CAMKMT: variants seen among roughly 807,000 people sequenced by gnomAD.
The protein encoded by CAMKMT is CaM KMT.
A neutral mutation model predicts 48.0 loss-of-function variants in CAMKMT; 53 were observed. The observed-to-expected ratio is 1.10, with a 90% CI of 0.89 to 1.39. The LOEUF is 1.39. CAMKMT is among the 40% of genes most tolerant of loss of function. CAMKMT has a pLI of 0.00. For missense variants in CAMKMT, 428 were observed against 402.7 expected (o/e 1.06, Z -0.54); for synonymous variants, 165 against 152.3 (o/e 1.08, Z -0.61).
At chr2:44,694,871 A>G (rs1037199758) in intron 3 of CAMKMT, among the ~76,000 whole-genome samples, 18 of 152,248 alleles carry the variant, frequency 1.2e-4, no homozygotes, top group African/African-American at 2.9e-4. Context: ...TGTTTAGCCA[A>G]TGCTTTTATG....
chr2:44,700,831 C>T (rs916353229), intron 3 of CAMKMT, among the ~76,000 whole-genome samples: 1 of 152,130 alleles, frequency 6.6e-6, no homozygotes, highest in Non-Finnish European at 1.5e-5. Flanking sequence ...TGGACTTGCT[C>T]GGTGCAGGGT....
chr2:44,515,327 C>T (rs1247850394), intron 3 of CAMKMT, among the ~76,000 whole-genome samples: 3 of 152,066 alleles, frequency 2.0e-5, no homozygotes, highest in African/African-American at 7.2e-5. Context: ...TTAGGTAGAA[C>T]TTTGGATTTG....
At chr2:44,540,907 T>C (rs1572752140) in intron 3 of CAMKMT, among the ~76,000 whole-genome samples, 2 of 152,270 alleles carry the variant, frequency 1.3e-5, no homozygotes, top group African/African-American at 4.8e-5. Flanking sequence ...ATGTAAGATA[T>C]GTGTCTAATT....
At chr2:44,705,071 A>T (rs1275197888) in intron 4 of CAMKMT, among the ~76,000 whole-genome samples, 9 of 152,172 alleles carry the variant, frequency 5.9e-5, no homozygotes, top group Non-Finnish European at 1.2e-4. Context: ...TTATGATAGC[A>T]GATAAGCCGC....
chr2:44,635,701 G>A (rs1420047338), intron 3 of CAMKMT, among the ~76,000 whole-genome samples: 3 of 152,226 alleles, frequency 2.0e-5, no homozygotes, highest in Non-Finnish European at 4.4e-5. Flanking sequence ...CATAGGAGAA[G>A]CTGGGCTCAT....
chr2:44,743,674 G>T lies in CAMKMT; in HGVS notation c.676G>T (p.Asp226Tyr). 1 of 1,613,106 alleles carries T rather than the reference G, an allele frequency of 6.2e-7. No individual in the cohort carries two copies. The highest frequency in any genetic ancestry group is 1.3e-5 in the African/African-American group (1 of 75,020). The change falls in exon 8 of 11, where the codon GAC becomes TAC. Residue 226 changes from aspartate to tyrosine, a missense_variant. By Grantham distance (160) the Asp-to-Tyr change is radical. Coordinates refer to ENST00000378494, the MANE Select transcript of CAMKMT (RefSeq NM_024766.5). ...TGTCTCTCAACTGGAAGGACATTTT[G>T]ACATTGTTATGTGTGCTGACTGGTA... is the stretch of plus-strand genomic sequence containing the variant. ...TDVSQLEGHF[D>Y]IVMCADCLFL... is the part of the protein sequence containing the mutation.
intron 3 of CAMKMT, among the ~76,000 whole-genome samples, chr2:44,534,429 T>G (rs1298913912): frequency 2.6e-5 from 4 of 152,152 alleles, no homozygotes; most frequent in African/African-American, 9.7e-5. Flanking sequence ...AGCTCCAGAG[T>G]GCACATTCTT....
chr2:44,517,667 C>G (rs1331941668), intron 3 of CAMKMT, among the ~76,000 whole-genome samples: 1 of 152,132 alleles, frequency 6.6e-6, no homozygotes, highest in Non-Finnish European at 1.5e-5. Flanking sequence ...GCAGTATCCT[C>G]AAGTTACAGG....
chr2:44,412,803 C>T lies in CAMKMT; in HGVS notation c.376+22498C>T, dbSNP rs889337147. On this transcript the variant is annotated intron_variant, in intron 3 of 10. Transcript: ENST00000378494. ...AGTTTAAAAATAAAGAGGCTGGGCA[C>T]GGTGGCTCACGCCTGTAATCCCAGC... 5.3e-5 allele frequency among the ~76,000 whole-genome samples: 8 copies of T among 151,802 alleles called. No individual in the cohort carries two copies. The South Asian group carries it at 8.3e-4, about 16-fold the overall frequency.
intron 3 of CAMKMT, among the ~76,000 whole-genome samples, chr2:44,625,891 C>G (rs939798051): frequency 6.8e-6 from 1 of 146,530 alleles, no homozygotes; most frequent in Admixed American, 6.7e-5. Flanking sequence ...ATGCCAATAC[C>G]ATACTGTTTT....
At chr2:44,651,872 G>GA (rs937490885) in intron 3 of CAMKMT, among the ~76,000 whole-genome samples, 2 of 152,008 alleles carry the variant, frequency 1.3e-5, no homozygotes, top group Non-Finnish European at 2.9e-5. Context: ...AGCTTTCTGG[G>GA]AAAAAAAATA....
At chr2:44,734,029 AT>A (rs1388377431) in intron 7 of CAMKMT, among the ~76,000 whole-genome samples, 3 of 149,594 alleles carry the variant, frequency 2.0e-5, no homozygotes, top group Non-Finnish European at 4.5e-5. Flanking sequence ...GGTTTCATTG[AT>A]TTTTCTCTAT....
chr2:44,536,495 T>C (rs1047862320), intron 3 of CAMKMT, among the ~76,000 whole-genome samples: 3 of 151,846 alleles, frequency 2.0e-5, no homozygotes, highest in African/African-American at 7.3e-5. Flanking sequence ...CAGCTAATTT[T>C]TTTTGTATTT....
intron 3 of CAMKMT, among the ~76,000 whole-genome samples, chr2:44,401,461 G>A (rs1682369818): frequency 1.3e-5 from 2 of 152,008 alleles, no homozygotes; most frequent in Admixed American, 1.3e-4. Flanking sequence ...AGAGGCTGAG[G>A]CAGGTGAATC....
chr2:44,664,897 T>C (rs1219072306), intron 3 of CAMKMT, among the ~76,000 whole-genome samples: 1 of 152,164 alleles, frequency 6.6e-6, no homozygotes, highest in Non-Finnish European at 1.5e-5. Context: ...GGTGGTTCAG[T>C]GTGGGTCACA....
At chr2:44,481,694 A>G (rs1668972259) in intron 3 of CAMKMT, among the ~76,000 whole-genome samples, 1 of 152,112 alleles carries the variant, frequency 6.6e-6, no homozygotes, top group Non-Finnish European at 1.5e-5. Context: ...CCCTAATGAT[A>G]AAGTTGATAT....
chr2:44,523,883 T>C (rs1671263023), intron 3 of CAMKMT, among the ~76,000 whole-genome samples: 1 of 150,466 alleles, frequency 6.6e-6, no homozygotes, highest in Non-Finnish European at 1.5e-5. Context: ...GTTCAAGTGA[T>C]TCTCCTGCCT....
chr2:44,742,426 C>T (rs1032044410), intron 7 of CAMKMT, among the ~76,000 whole-genome samples: 12 of 152,152 alleles, frequency 7.9e-5, no homozygotes, highest in Non-Finnish European at 5.9e-5. Flanking sequence ...TCTGTATATT[C>T]ACCCAATGCA....
intron 3 of CAMKMT, among the ~76,000 whole-genome samples, chr2:44,438,767 G>T (rs866639221): frequency 1.7e-4 from 26 of 152,032 alleles, no homozygotes; most frequent in Non-Finnish European, 2.8e-4. Context: ...GCACAATCAC[G>T]GCTCGCTGCA....
Sources: gnomAD v4.1 joint callset for allele counts (sites outside exome capture counted in the v4.1 genomes callset) on GRCh38, gnomAD v4.1.1 for gene constraint, MANE v1.5 for transcripts, NCBI Gene and HGNC (gene_info 2026-07-23, HGNC 2026-07-21) for gene names.